Variants in FAM53A observed in about 807,000 individuals in gnomAD.
The protein encoded by FAM53A is protein FAM53A.
In FAM53A, 28 loss-of-function variants were observed where a neutral mutation model predicts 26.6. That is an observed-to-expected ratio of 1.05 (90% CI 0.78 to 1.45). The LOEUF is 1.45. Among genes scored for constraint, FAM53A ranks in the 40% most tolerant of loss-of-function variants. FAM53A has a pLI of 0.00. For synonymous variants in FAM53A, 290 were observed against 253.1 expected (o/e 1.15, Z -1.38); for missense variants, 650 against 575.8 (o/e 1.13, Z -1.32).
chr4:1,646,264 T>C (rs1323411044), intron 4 of FAM53A, among the ~76,000 whole-genome samples: 1 of 152,084 alleles, frequency 6.6e-6, no homozygotes, highest in African/African-American at 2.4e-5. Flanking sequence ...CCATGCCGGC[T>C]AATTTTTTGT....
chr4:1,663,840 TAAA>T (rs200467394), intron 2 of FAM53A, among the ~76,000 whole-genome samples: 13 of 136,372 alleles, frequency 9.5e-5, no homozygotes, highest in Non-Finnish European at 1.3e-4. Context: ...ACCCTGTCTT[TAAA>T]AAAAAAAAAA....
the FAM53A span, chr4:1,580,013 T>TA: frequency 6.6e-6 from 1 of 152,274 alleles, no homozygotes; most frequent in Admixed American, 6.5e-5. Flanking sequence ...AGTAAAGTTT[T>TA]ACTGTTTTTC....
At chr4:1,656,360 C>T (rs771866496) in intron 3 of FAM53A, among the ~76,000 whole-genome samples, 1 of 152,168 alleles carries the variant, frequency 6.6e-6, no homozygotes, top group Non-Finnish European at 1.5e-5. Context: ...GAGAGCAAGG[C>T]CAGGTGCATG....
At chr4:1,651,620 C>T (rs1433590808) in intron 4 of FAM53A, among the ~76,000 whole-genome samples, 1 of 151,862 alleles carries the variant, frequency 6.6e-6, no homozygotes, top group African/African-American at 2.4e-5. Context: ...AGGCCTGAGG[C>T]AGAATAACCG....
intron 2 of FAM53A, among the ~76,000 whole-genome samples, chr4:1,667,525 C>A: frequency 6.6e-6 from 1 of 152,048 alleles, no homozygotes; most frequent in East Asian, 1.9e-4. Context: ...GCAGTGCTTG[C>A]GAAGGTTCAG....
chr4:1,660,359 G>C (rs1713737537), intron 2 of FAM53A, among the ~76,000 whole-genome samples: 1 of 55,262 alleles, frequency 1.8e-5, no homozygotes, highest in South Asian at 6.2e-4. Flanking sequence ...GCACTGTGGG[G>C]GCTGAGGTGG....
At chr4:1,670,374 G>A (rs1037334925) in intron 1 of FAM53A, among the ~76,000 whole-genome samples, 2 of 152,222 alleles carry the variant, frequency 1.3e-5, no homozygotes, top group African/African-American at 4.8e-5. Flanking sequence ...CAGCAGCGAC[G>A]CGCACAGTGG....
chr4:1,676,530 C>T (rs756541742), intron 1 of FAM53A, among the ~76,000 whole-genome samples: 6 of 152,132 alleles, frequency 3.9e-5, no homozygotes, highest in East Asian at 3.9e-4. Flanking sequence ...TTCACCACGG[C>T]GACACACACA....
At chr4:1,615,001 C>CA (rs796502288), downstream of FAM53A, among the ~76,000 whole-genome samples, 1 of 152,176 alleles carries the variant, frequency 6.6e-6, no homozygotes, top group Non-Finnish European at 1.5e-5. Flanking sequence ...ACGCAAACCA[C>CA]AAAAAAGGAC....
chr4:1,634,235 C>T (rs1255860497), intron 1 of FAM53A, among the ~76,000 whole-genome samples: 1 of 152,128 alleles, frequency 6.6e-6, no homozygotes, highest in Non-Finnish European at 1.5e-5. Context: ...AACAGGACTC[C>T]CCTGTATGGG....
chr4:1,634,164 T>A (rs1715736178), intron 1 of FAM53A, among the ~76,000 whole-genome samples: 1 of 152,180 alleles, frequency 6.6e-6, no homozygotes, highest in Non-Finnish European at 1.5e-5. Context: ...CACAGTGGAC[T>A]CTGCCTGCCT....
chr4:1,660,951 G>C (rs1713788352), intron 2 of FAM53A, among the ~76,000 whole-genome samples: 1 of 151,396 alleles, frequency 6.6e-6, no homozygotes, highest in South Asian at 2.1e-4. Flanking sequence ...TATCTGCACA[G>C]CTGCACAGGG....
chr4:1,673,359 C>A (rs987804075), intron 1 of FAM53A, among the ~76,000 whole-genome samples: 1 of 152,222 alleles, frequency 6.6e-6, no homozygotes, highest in East Asian at 1.9e-4. Flanking sequence ...GTGATGTGAA[C>A]GCCTGGAGGG....
chr4:1,685,457 G>A (rs552426356), upstream of FAM53A, among the ~76,000 whole-genome samples: 1 of 152,194 alleles, frequency 6.6e-6, no homozygotes, highest in Non-Finnish European at 1.5e-5. Context: ...CAGATGCATG[G>A]AGGCCGGCTG....
chr4:1,592,569 C>A, the FAM53A span, among the ~76,000 whole-genome samples: 43 of 152,254 alleles, frequency 2.8e-4, no homozygotes, highest in East Asian at 6.2e-3. Context: ...CACCCAGGGG[C>A]CCCCGACACG....
At chr4:1,656,990 C>T (rs953314007) in intron 3 of FAM53A, among the ~76,000 whole-genome samples, 10 of 152,216 alleles carry the variant, frequency 6.6e-5, no homozygotes, top group African/African-American at 2.4e-4. Context: ...GAACCAGGCA[C>T]AGCCACACCC....
chr4:1,622,162 G>A (rs1715067297), intron 1 of FAM53A, among the ~76,000 whole-genome samples: 1 of 152,184 alleles, frequency 6.6e-6, no homozygotes, highest in African/African-American at 2.4e-5. Context: ...TTCACGATCA[G>A]TTACCCAGAC....
intron 1 of FAM53A, among the ~76,000 whole-genome samples, chr4:1,672,373 A>C (rs1714743999): frequency 6.6e-6 from 1 of 151,844 alleles, no homozygotes; most frequent in Non-Finnish European, 1.5e-5. Context: ...GGAACCCACG[A>C]ACCCACGAAC....
chr4:1,617,768 C>T (rs566705564), downstream of FAM53A: 17 of 232,532 alleles, frequency 7.3e-5, no homozygotes, highest in African/African-American at 1.8e-4. Flanking sequence ...CATTCCTGAA[C>T]GGTCTTCTCA....
Sources: allele counts gnomAD v4.1 joint callset (sites outside exome capture counted in the v4.1 genomes callset), GRCh38; gene constraint gnomAD v4.1.1; transcripts MANE v1.5; gene names NCBI Gene and HGNC (gene_info 2026-07-23, HGNC 2026-07-21).